The following USP42 variants were observed in gnomAD, a reference collection of about 807,000 sequenced individuals.
USP42 encodes the protein ubiquitin carboxyl-terminal hydrolase 42.
In USP42, 23 loss-of-function variants were observed where a neutral mutation model predicts 113.0. That is an observed-to-expected ratio of 0.20 (90% CI 0.15 to 0.29). The LOEUF is 0.29. USP42 is among the 10% of genes least tolerant of loss of function. USP42 has a pLI of 1.00. For missense variants in USP42, 2,174 were observed against 1,779.8 expected, an observed-to-expected ratio of 1.22 and a Z score of -3.99; for synonymous variants, 933 against 699.0, an observed-to-expected ratio of 1.33 and a Z score of -5.28.
At chr7:6,149,429 T>C (rs1360730646) in intron 12 of USP42, among the ~76,000 whole-genome samples, 154 bp from the exon 13 acceptor site, 1 of 151,274 alleles carries the variant, frequency 6.6e-6, no homozygotes, top group East Asian at 1.9e-4. Flanking sequence ...GTAGGAGGGA[T>C]TGAGAAAAAC....
intron 3 of USP42, among the ~76,000 whole-genome samples, chr7:6,126,030 C>CA (rs1382931968): frequency 6.6e-6 from 1 of 152,174 alleles, no homozygotes; most frequent in African/African-American, 2.4e-5. Context: ...GCATTTCCAT[C>CA]ACCTACAGAA....
intron 12 of USP42, 123 bp downstream of exon 12, chr7:6,148,015 A>T: frequency 9.2e-7 from 1 of 1,083,066 alleles, no homozygotes; most frequent in East Asian, 2.5e-5. Context: ...CTCACAGTTT[A>T]ATCAAACCCT....
At chr7:6,155,396 C>G (rs1782387477) in intron 15 of USP42, among the ~76,000 whole-genome samples, 1 of 152,142 alleles carries the variant, frequency 6.6e-6, no homozygotes, top group Non-Finnish European at 1.5e-5. Context: ...GAAGCTGTAT[C>G]TTTATTCTTC....
chr7:6,113,051 G>A (rs1323112672), intron 2 of USP42, among the ~76,000 whole-genome samples: 2 of 151,324 alleles, frequency 1.3e-5, no homozygotes, highest in African/African-American at 4.9e-5. Flanking sequence ...CTACAGGTGC[G>A]CGCCACCATG....
intron 3 of USP42, among the ~76,000 whole-genome samples, chr7:6,133,744 T>G (rs1041324471): frequency 2.0e-5 from 3 of 152,058 alleles, no homozygotes; most frequent in Non-Finnish European, 4.4e-5. Flanking sequence ...GGTGTCAAAC[T>G]CCTGGGCTCA....
the USP42 span, among the ~76,000 whole-genome samples, chr7:6,098,578 A>T: frequency 1.3e-5 from 2 of 149,736 alleles, no homozygotes; most frequent in East Asian, 3.9e-4. Context: ...ACAGAGTCTC[A>T]CTCTTAACTG....
upstream of USP42, among the ~76,000 whole-genome samples, chr7:6,103,877 C>A (rs1430363919): frequency 6.6e-6 from 1 of 151,106 alleles, no homozygotes; most frequent in Non-Finnish European, 1.5e-5. Context: ...AACAGTAAGA[C>A]CTCTGTCCCT....
intron 9 of USP42, 21 bp from the exon 10 acceptor site, chr7:6,145,495 C>G: frequency 1.9e-6 from 3 of 1,613,776 alleles, no homozygotes; most frequent in Non-Finnish European, 2.5e-6. Flanking sequence ...AAATGTTTCT[C>G]CTGTTTCCAT....
upstream of USP42, among the ~76,000 whole-genome samples, chr7:6,104,497 G>T (rs1000597699): frequency 6.6e-6 from 1 of 152,268 alleles, no homozygotes; most frequent in African/African-American, 2.4e-5. Flanking sequence ...AGCCAAGTCC[G>T]TTTTCGGGGG....
intron 14 of USP42, among the ~76,000 whole-genome samples, chr7:6,152,230 G>A (rs551101331): frequency 2.0e-4 from 30 of 152,344 alleles, no homozygotes; most frequent in African/African-American, 6.3e-4. Context: ...GAGTGCGGCC[G>A]GATGTCACCA....
At chr7:6,098,925 CAA>C in the USP42 span, among the ~76,000 whole-genome samples, 6 of 150,272 alleles carry the variant, frequency 4.0e-5, no homozygotes, top group African/African-American at 1.5e-4. Context: ...CATTCTTGAA[CAA>C]AGAGTTCAGA....
intron 3 of USP42, among the ~76,000 whole-genome samples, chr7:6,126,284 GTTTC>G (rs780874201): frequency 1.8e-4 from 26 of 147,582 alleles, no homozygotes; most frequent in Non-Finnish European, 2.9e-4. Flanking sequence ...ATACGCCACA[GTTTC>G]TTTTTTTTTT....
At chr7:6,147,694 G>A (rs1781792533) in intron 11 of USP42, 45 bp from the exon 12 acceptor site, 1 of 1,523,652 alleles carries the variant, frequency 6.6e-7, no homozygotes, top group Non-Finnish European at 8.8e-7. Context: ...TCTCTCCTAA[G>A]GAGGTGTCCT....
At chr7:6,132,411 G>A (rs908575424) in intron 3 of USP42, among the ~76,000 whole-genome samples, 12 of 149,602 alleles carry the variant, frequency 8.0e-5, no homozygotes, top group African/African-American at 2.7e-4. Flanking sequence ...AGGCTGGAGT[G>A]CAGTGTTGCG....
At chr7:6,115,619 T>C in intron 3 of USP42, 96 bp downstream of exon 3, 12 of 1,402,144 alleles carry the variant, frequency 8.6e-6, no homozygotes, top group Non-Finnish European at 1.2e-5. Context: ...CCAAGAGTGC[T>C]ATGATTACTA....
chr7:6,117,753 G>A (rs368949041), intron 3 of USP42, among the ~76,000 whole-genome samples: 4 of 152,202 alleles, frequency 2.6e-5, no homozygotes, highest in African/African-American at 9.6e-5. Context: ...GGTGTGTAGT[G>A]TGGTAGTATT....
intron 14 of USP42, among the ~76,000 whole-genome samples, chr7:6,151,251 C>T (rs547093035): frequency 1.3e-5 from 2 of 152,190 alleles, no homozygotes; most frequent in African/African-American, 4.8e-5. Context: ...ACTGTAGACT[C>T]TGGAAACACT....
chr7:6,105,472 G>GCCGCCCC (rs1253168479), intron 1 of USP42, among the ~76,000 whole-genome samples: 13 of 32,458 alleles, frequency 4.0e-4, no homozygotes, highest in Non-Finnish European at 6.5e-4. Context: ...CGGCCCGCCC[G>GCCGCCCC]CCGCCCCCCG....
At chr7:6,122,973 G>A (rs1210200365) in intron 3 of USP42, among the ~76,000 whole-genome samples, 5 of 151,850 alleles carry the variant, frequency 3.3e-5, no homozygotes, top group East Asian at 1.9e-4. Flanking sequence ...ACAGGCATGC[G>A]CCACCACACC....
Sources: allele counts gnomAD v4.1 joint callset (sites outside exome capture counted in the v4.1 genomes callset), GRCh38; gene constraint gnomAD v4.1.1; transcripts MANE v1.5; gene names NCBI Gene and HGNC (gene_info 2026-07-23, HGNC 2026-07-21).